CHCHD3: variants seen among roughly 807,000 people sequenced by gnomAD.
CHCHD3 encodes MICOS complex subunit MIC19.
A neutral mutation model predicts 38.2 loss-of-function variants in CHCHD3; 20 were observed. The observed-to-expected ratio is 0.52, with a 90% CI of 0.37 to 0.76. The LOEUF is 0.76. CHCHD3 is among the 30% of genes least tolerant of loss of function. The pLI is 0.00. For missense variants in CHCHD3, 245 were observed against 279.2 expected, an observed-to-expected ratio of 0.88 and a Z score of 0.87; for synonymous variants, 82 against 100.0, an observed-to-expected ratio of 0.82 and a Z score of 1.07.
chr7:132,969,160 T>G (rs1004255443), intron 4 of CHCHD3, among the ~76,000 whole-genome samples: 2 of 127,116 alleles, frequency 1.6e-5, no homozygotes, highest in African/African-American at 7.4e-5. Context: ...TTTACTGTGT[T>G]TTTTTTTTTT....
intron 4 of CHCHD3, among the ~76,000 whole-genome samples, chr7:132,940,113 T>C (rs572642900): frequency 1.3e-5 from 2 of 152,282 alleles, no homozygotes; most frequent in African/African-American, 2.4e-5. Flanking sequence ...ACCTCCTAAT[T>C]TGAATGTGTT....
At chr7:132,902,381 C>A (rs1305799417) in intron 4 of CHCHD3, among the ~76,000 whole-genome samples, 1 of 152,134 alleles carries the variant, frequency 6.6e-6, no homozygotes, top group East Asian at 1.9e-4. Flanking sequence ...ATGTTTATTG[C>A]AGCACTACTC....
At chr7:132,820,040 G>A (rs962553455) in intron 6 of CHCHD3, among the ~76,000 whole-genome samples, 4 of 152,120 alleles carry the variant, frequency 2.6e-5, no homozygotes, top group African/African-American at 7.2e-5. Flanking sequence ...AGATAATGTC[G>A]ATTATTTAAC....
In CHCHD3 at chr7:133,070,242, C is replaced by T. The variant is rs951742783; in HGVS notation, c.82-13G>A. 3 of 1,605,520 alleles carry T rather than the reference C, an allele frequency of 1.9e-6. No homozygotes were observed. The highest frequency in any genetic ancestry group is 1.7e-4 in the Middle Eastern group (1 of 6,044). ...CATTTTCCGAAAGCTGGAAAAGCAACATCAAAATAAAATCAATTATAAAAC... is the reference window on the plus strand; with the variant it reads ...CATTTTCCGAAAGCTGGAAAAGCAATATCAAAATAAAATCAATTATAAAAC... On this transcript the variant is annotated splice_polypyrimidine_tract_variant and intron_variant, in intron 1 of 7. Coordinates refer to ENST00000262570, the MANE Select transcript of CHCHD3 (RefSeq NM_017812.4).
intron 5 of CHCHD3, among the ~76,000 whole-genome samples, chr7:132,846,915 C>G (rs1808088938): frequency 6.6e-6 from 1 of 152,148 alleles, no homozygotes; most frequent in Non-Finnish European, 1.5e-5. Flanking sequence ...AATAATAGTA[C>G]AGTAACAGTT....
intron 4 of CHCHD3, among the ~76,000 whole-genome samples, chr7:132,944,308 C>T (rs1417063425): frequency 1.3e-5 from 2 of 151,764 alleles, no homozygotes; most frequent in African/African-American, 2.4e-5. Flanking sequence ...CCAACTGCTC[C>T]TCTATCAAGA....
chr7:132,904,102 T>TA (rs765892174), intron 4 of CHCHD3, among the ~76,000 whole-genome samples: 65 of 150,910 alleles, frequency 4.3e-4, no homozygotes, highest in African/African-American at 1.2e-3. Context: ...ACAAAAGATT[T>TA]AAAAAAAAAT....
chr7:132,855,597 G>A (rs1371922854), intron 5 of CHCHD3, among the ~76,000 whole-genome samples: 2 of 152,150 alleles, frequency 1.3e-5, no homozygotes, highest in African/African-American at 4.8e-5. Flanking sequence ...ATATGCATGT[G>A]AATAGAGGCA....
chr7:132,898,078 G>A (rs547267434), intron 4 of CHCHD3, among the ~76,000 whole-genome samples: 1 of 151,874 alleles, frequency 6.6e-6, no homozygotes, highest in African/African-American at 2.4e-5. Context: ...GTGGGCTCGT[G>A]GTCTCCCTGG....
At chr7:132,900,487 G>A (rs1041272564) in intron 4 of CHCHD3, among the ~76,000 whole-genome samples, 2 of 152,082 alleles carry the variant, frequency 1.3e-5, no homozygotes, top group Non-Finnish European at 2.9e-5. Context: ...TGGAACTCTA[G>A]TGGTTGAACT....
chr7:133,004,063 G>T (rs1468305054), intron 3 of CHCHD3, among the ~76,000 whole-genome samples: 2 of 151,860 alleles, frequency 1.3e-5, no homozygotes, highest in African/African-American at 4.8e-5. Context: ...CGATTCTCCT[G>T]CCTCAGCCTC....
At chr7:132,801,204 T>C (rs34135443) in intron 6 of CHCHD3, among the ~76,000 whole-genome samples, 4,634 of 152,324 alleles carry the variant, frequency 0.03, 444 homozygotes, top group East Asian at 0.21. Context: ...AATATTTATC[T>C]GAAATGTACT....
At chr7:132,822,423 T>C (rs971855961) in intron 6 of CHCHD3, among the ~76,000 whole-genome samples, 5 of 152,160 alleles carry the variant, frequency 3.3e-5, no homozygotes, top group Non-Finnish European at 7.3e-5. Flanking sequence ...ATTTCCTTTT[T>C]TTTAATTTAA....
intron 6 of CHCHD3, among the ~76,000 whole-genome samples, chr7:132,807,153 C>A (rs886532541): frequency 5.9e-5 from 9 of 152,176 alleles, no homozygotes; most frequent in African/African-American, 2.2e-4. Flanking sequence ...CCTAAAGGAG[C>A]TGGACACAGA....
intron 4 of CHCHD3, among the ~76,000 whole-genome samples, chr7:132,936,878 A>G (rs1357341636): frequency 1.3e-5 from 2 of 152,204 alleles, no homozygotes; most frequent in Non-Finnish European, 2.9e-5. Context: ...CTAACAGTTT[A>G]TATTAGGCTA....
At chr7:132,841,899 C>T (rs946027361) in intron 5 of CHCHD3, among the ~76,000 whole-genome samples, 1 of 151,946 alleles carries the variant, frequency 6.6e-6, no homozygotes, top group African/African-American at 2.4e-5. Context: ...AGTTCGAGAC[C>T]AGCCTGGCCA....
At chr7:133,045,168 T>C (rs2117488511) in intron 2 of CHCHD3, among the ~76,000 whole-genome samples, 1 of 152,342 alleles carries the variant, frequency 6.6e-6, no homozygotes, top group South Asian at 2.1e-4. Context: ...TTTAAGTGAA[T>C]GCCTCCCATT....
chr7:132,920,420 G>A (rs1810232055), intron 4 of CHCHD3, among the ~76,000 whole-genome samples: 1 of 151,848 alleles, frequency 6.6e-6, no homozygotes. Context: ...CTAACACTTT[G>A]GGGAAGAAAA....
At chr7:132,794,992 A>G (rs1806569884) in intron 7 of CHCHD3, among the ~76,000 whole-genome samples, 2 of 152,188 alleles carry the variant, frequency 1.3e-5, no homozygotes, top group African/African-American at 4.8e-5. Flanking sequence ...AATATATACC[A>G]TTGATGTCAC....
Sources: allele counts gnomAD v4.1 joint callset (sites outside exome capture counted in the v4.1 genomes callset), GRCh38; gene constraint gnomAD v4.1.1; transcripts MANE v1.5; gene names NCBI Gene and HGNC (gene_info 2026-07-23, HGNC 2026-07-21).